The following RBFOX1 variants were observed in gnomAD, a reference collection of about 807,000 sequenced individuals.
The protein encoded by RBFOX1 is RNA binding fox-1 homolog 1.
Under a neutral mutation model 57.7 loss-of-function variants are expected in RBFOX1, and 8 were observed. The observed-to-expected ratio is 0.14, with a 90% CI of 0.08 to 0.25. The LOEUF (loss-of-function observed/expected upper bound fraction) is 0.25. RBFOX1 is among the 10% of genes least tolerant of loss of function. The probability of loss-of-function intolerance (pLI) is 1.00; values close to 1 mark genes in which losing one functional copy is unlikely to be tolerated. For synonymous variants in RBFOX1, 326 were observed against 222.4 expected (o/e 1.47, Z -4.15); for missense variants, 611 against 548.5 (o/e 1.11, Z -1.14).
intron 1 of RBFOX1, among the ~76,000 whole-genome samples, chr16:5,392,498 A>C (rs1354378736): frequency 2.0e-5 from 3 of 151,260 alleles, no homozygotes; most frequent in Non-Finnish European, 4.4e-5. Flanking sequence ...CCAATGTGGG[A>C]TGGAGTATGT....
At chr16:7,197,126 C>G (rs892044082) in intron 4 of RBFOX1, among the ~76,000 whole-genome samples, 3 of 152,152 alleles carry the variant, frequency 2.0e-5, no homozygotes, top group Admixed American at 1.3e-4. Flanking sequence ...CCTTCTCTAC[C>G]CATCTCCAAT....
intron 2 of RBFOX1, among the ~76,000 whole-genome samples, chr16:6,625,882 T>C (rs966487393): frequency 2.6e-5 from 4 of 152,220 alleles, no homozygotes; most frequent in African/African-American, 7.2e-5. Flanking sequence ...GATTCTTACA[T>C]TGGCTCCAGG....
intron 1 of RBFOX1, among the ~76,000 whole-genome samples, chr16:6,032,533 A>G (rs1299363514): frequency 6.6e-6 from 1 of 152,206 alleles, no homozygotes; most frequent in Non-Finnish European, 1.5e-5. Flanking sequence ...CTACTGGGGA[A>G]TCATCATTTT....
chr16:5,771,211 G>C (rs957600332), intron 3 of RBFOX1, among the ~76,000 whole-genome samples: 1 of 152,246 alleles, frequency 6.6e-6, no homozygotes, highest in African/African-American at 2.4e-5. Flanking sequence ...GATAGCATTT[G>C]TGGACTGCTC....
intron 3 of RBFOX1, among the ~76,000 whole-genome samples, chr16:5,695,558 C>A (rs1016671254): frequency 3.3e-5 from 5 of 152,160 alleles, no homozygotes; most frequent in Admixed American, 3.3e-4. Flanking sequence ...AATAATTGGT[C>A]AATCTTAGGA....
intron 4 of RBFOX1, among the ~76,000 whole-genome samples, chr16:5,895,568 G>C (rs1189686912): frequency 6.6e-6 from 1 of 152,220 alleles, no homozygotes; most frequent in Non-Finnish European, 1.5e-5. Flanking sequence ...CTGGAGAAGG[G>C]TCTGATGTGG....
chr16:5,444,950 A>C (rs2151548964), intron 1 of RBFOX1, among the ~76,000 whole-genome samples: 1 of 152,314 alleles, frequency 6.6e-6, no homozygotes, highest in South Asian at 2.1e-4. Flanking sequence ...CCAGAAAGCT[A>C]ATGGCAAGAC....
chr16:7,446,433 C>G (rs144080962), intron 4 of RBFOX1, among the ~76,000 whole-genome samples: 1 of 152,178 alleles, frequency 6.6e-6, no homozygotes, highest in Admixed American at 6.5e-5. Context: ...TTATTTTCAG[C>G]AAGTTCTCCC....
chr16:6,377,786 A>G (rs947005454), intron 2 of RBFOX1, among the ~76,000 whole-genome samples: 2 of 152,202 alleles, frequency 1.3e-5, no homozygotes, highest in Non-Finnish European at 2.9e-5. Context: ...GTAATTTTAG[A>G]TAGAGGCGGT....
At chr16:5,758,715 C>T (rs1319646663) in intron 3 of RBFOX1, among the ~76,000 whole-genome samples, 2 of 152,276 alleles carry the variant, frequency 1.3e-5, no homozygotes, top group Admixed American at 6.5e-5. Context: ...TGTTGGATGT[C>T]AGGGAAGACG....
intron 4 of RBFOX1, among the ~76,000 whole-genome samples, chr16:6,010,236 C>T (rs2094953487): frequency 6.6e-6 from 1 of 152,170 alleles, no homozygotes; most frequent in Non-Finnish European, 1.5e-5. Flanking sequence ...AACCCATGTC[C>T]AAGGAAGGCT....
intron 1 of RBFOX1, among the ~76,000 whole-genome samples, chr16:6,126,252 C>T (rs756268428): frequency 2.0e-5 from 3 of 152,296 alleles, no homozygotes; most frequent in East Asian, 1.9e-4. Flanking sequence ...TAGTCAAGAG[C>T]GCCAGCGCAT....
chr16:7,466,311 G>C (rs2060507937), intron 4 of RBFOX1, among the ~76,000 whole-genome samples: 1 of 145,840 alleles, frequency 6.9e-6, no homozygotes, highest in Admixed American at 7.1e-5. Context: ...CTATTTAATA[G>C]AGATAATAAA....
At chr16:6,798,119 T>A (rs1461242400) in intron 3 of RBFOX1, among the ~76,000 whole-genome samples, 1 of 152,076 alleles carries the variant, frequency 6.6e-6, no homozygotes, top group Non-Finnish European at 1.5e-5. Context: ...CTAGCACGCA[T>A]TTAATAAATA....
In RBFOX1 at chr16:7,347,518, C is replaced by T. The variant is rs184813384; in HGVS notation, c.28-170629C>T. Among the ~76,000 whole-genome samples the T allele has an allele frequency of 3.0e-3, 463 of 152,208 alleles. 1 individual carries two copies. The highest frequency in any genetic ancestry group is 0.01 in the African/African-American group (433 of 41,532). ...TGACACGTGGGAATCGTGGGAGATA[C>T]AATTCAAGATGAGACTTGGGTGAGG... On this transcript the variant is annotated intron_variant, in intron 4 of 15. Transcript: ENST00000550418.
At chr16:7,149,616 G>T (rs2075734807) in intron 4 of RBFOX1, among the ~76,000 whole-genome samples, 1 of 151,328 alleles carries the variant, frequency 6.6e-6, no homozygotes, top group Non-Finnish European at 1.5e-5. Flanking sequence ...CTCCTGAGTA[G>T]CTGGGATTAC....
At chr16:6,408,375 A>G (rs1269945785) in intron 2 of RBFOX1, among the ~76,000 whole-genome samples, 5 of 152,152 alleles carry the variant, frequency 3.3e-5, no homozygotes, top group African/African-American at 1.2e-4. Context: ...TATTTAATGT[A>G]TGATTTCATT....
At chr16:5,820,507 G>A (rs1182279181) in intron 3 of RBFOX1, among the ~76,000 whole-genome samples, 1 of 152,140 alleles carries the variant, frequency 6.6e-6, no homozygotes, top group African/African-American at 2.4e-5. Context: ...CTAGCCACAA[G>A]GGAGGGGAAC....
At chr16:5,345,201 C>T (rs558517623) in intron 1 of RBFOX1, among the ~76,000 whole-genome samples, 17 of 152,178 alleles carry the variant, frequency 1.1e-4, no homozygotes, top group Non-Finnish European at 2.4e-4. Flanking sequence ...AAGCCAGTCC[C>T]TTTCTTTAGT....
Sources: allele counts gnomAD v4.1 joint callset (sites outside exome capture counted in the v4.1 genomes callset), GRCh38; gene constraint gnomAD v4.1.1; transcripts MANE v1.5; gene names NCBI Gene and HGNC (gene_info 2026-07-23, HGNC 2026-07-21).